SLC7A14: variants seen among roughly 807,000 people sequenced by gnomAD.
SLC7A14 encodes the protein solute carrier family 7 member 14.
In SLC7A14, 37 loss-of-function variants were observed where a neutral mutation model predicts 60.2. The observed-to-expected ratio is 0.61, with a 90% CI of 0.47 to 0.81. The LOEUF (loss-of-function observed/expected upper bound fraction) is 0.81, where lower values mean the gene tolerates loss of function less well. SLC7A14 is among the 30% of genes least tolerant of loss of function. The pLI is 0.00. For missense variants in SLC7A14, 886 were observed against 982.7 expected, an observed-to-expected ratio of 0.90 and a Z score of 1.32; for synonymous variants, 399 against 395.8, an observed-to-expected ratio of 1.01 and a Z score of -0.10.
chr3:170,547,917 A>G (rs115813047), intron 1 of SLC7A14, among the ~76,000 whole-genome samples: 1,969 of 152,284 alleles, frequency 0.013, 43 homozygotes, highest in African/African-American at 0.045. Flanking sequence ...TACGGTGGAC[A>G]TATATTTTGC....
intron 1 of SLC7A14, among the ~76,000 whole-genome samples, chr3:170,541,808 C>G (rs1714025212): frequency 6.6e-6 from 1 of 152,142 alleles, no homozygotes; most frequent in Non-Finnish European, 1.5e-5. Flanking sequence ...ACCACAGTTA[C>G]TCTTGCACCA....
At chr3:170,471,711 C>T (rs1392566011) in intron 7 of SLC7A14, among the ~76,000 whole-genome samples, 1 of 152,154 alleles carries the variant, frequency 6.6e-6, no homozygotes, top group Non-Finnish European at 1.5e-5. Flanking sequence ...TTGCGGAGGG[C>T]AATCTAATAT....
rs202177062 is a variant in SLC7A14 at position 170,467,386 on chromosome 3, C to T, written c.1994-9G>A. ...AAAATAAATGAGCAGACCTGTGGGG[C>T]GAGGGGAAAGGTACAGGTGAATAAG... is the stretch of plus-strand genomic sequence containing the variant. On this transcript the variant is annotated splice_polypyrimidine_tract_variant and intron_variant, in intron 7 of 7. Transcript: ENST00000231706. 7.5e-4 allele frequency: 1,132 copies of T among 1,515,056 alleles called. No individual in the cohort carries two copies. Among genetic ancestry groups the T allele is most frequent in the Non-Finnish European group, 7.9e-4 (889 of 1,124,740 alleles). 93.9% of individuals were successfully genotyped at this position (1,515,056 alleles called of 1,614,324 possible). A position where few individuals can be genotyped will look rare whatever the true frequency, so the allele number is the denominator to read the frequency against.
At chr3:170,470,980 G>T (rs145205181) in intron 7 of SLC7A14, among the ~76,000 whole-genome samples, 12 of 152,274 alleles carry the variant, frequency 7.9e-5, no homozygotes, top group African/African-American at 2.9e-4. Flanking sequence ...TGTGTGCTGG[G>T]TTAGGATAAT....
intron 2 of SLC7A14, among the ~76,000 whole-genome samples, chr3:170,512,702 C>A (rs891303809): frequency 8.3e-6 from 1 of 119,770 alleles, no homozygotes; most frequent in African/African-American, 3.2e-5. Flanking sequence ...CTCGCTCTGT[C>A]GCCCAGGCTG....
chr3:170,571,938 G>A (rs1187143065), intron 1 of SLC7A14, among the ~76,000 whole-genome samples: 1 of 151,872 alleles, frequency 6.6e-6, no homozygotes, highest in Non-Finnish European at 1.5e-5. Context: ...GTGCACGCCT[G>A]TAGTCCCAAC....
chr3:170,495,030 G>A lies in SLC7A14; in HGVS notation c.759+3637C>T, dbSNP rs1165419691. 2.6e-5 allele frequency among the ~76,000 whole-genome samples: 4 copies of A among 152,140 alleles called. No individual in the cohort carries two copies. In the East Asian group the frequency reaches 5.8e-4, roughly 22 times the overall value. On this transcript the variant is annotated intron_variant, in intron 4 of 7. Transcript: ENST00000231706. ...CTCCACTTTTAAGTAAGGGATAACAGCACCACTCAAAAGTTTTGTTTTAAG... is the reference window on the plus strand; with the variant it reads ...CTCCACTTTTAAGTAAGGGATAACAACACCACTCAAAAGTTTTGTTTTAAG...
chr3:170,468,581 C>G (rs1739791503), intron 7 of SLC7A14, among the ~76,000 whole-genome samples: 1 of 152,182 alleles, frequency 6.6e-6, no homozygotes, highest in African/African-American at 2.4e-5. Flanking sequence ...CAGGCATGAG[C>G]CATCAGTCCT....
At chr3:170,572,764 C>G (rs540970346) in intron 1 of SLC7A14, among the ~76,000 whole-genome samples, 61 of 152,290 alleles carry the variant, frequency 4.0e-4, no homozygotes, top group Middle Eastern at 6.8e-3. Flanking sequence ...GCACGACAGT[C>G]TCTACTCATT....
chr3:170,501,197 G>T lies in SLC7A14; in HGVS notation c.453C>A (p.Ala151=), dbSNP rs142323895. 1.3e-4 allele frequency: 216 copies of T among 1,614,192 alleles called. No homozygotes were observed. The highest frequency in any genetic ancestry group is 1.5e-4 in the Non-Finnish European group (181 of 1,180,040). ...LEYLIGTAAG[A]SALSSMFDSL... ...AGTCAAACATGCTGCTCAGAGCACT[G>T]GCTCCGGCCGCAGTGCCAATCAGGT... Residue 151 remains alanine (A), a synonymous_variant, in exon 3 of 8, where the codon GCC becomes GCA. Coordinates refer to ENST00000231706, the MANE Select transcript of SLC7A14 (RefSeq NM_020949.3).
At chr3:170,524,134 T>C (rs1713423088) in intron 2 of SLC7A14, among the ~76,000 whole-genome samples, 1 of 152,186 alleles carries the variant, frequency 6.6e-6, no homozygotes, top group Non-Finnish European at 1.5e-5. Flanking sequence ...CCAGGGTCTT[T>C]AGTGGAGGTG....
intron 7 of SLC7A14, among the ~76,000 whole-genome samples, chr3:170,470,955 T>C (rs897638670): frequency 6.6e-6 from 1 of 152,178 alleles, no homozygotes; most frequent in Non-Finnish European, 1.5e-5. Context: ...TAAACTAAAC[T>C]TCACAAAGCA....
intron 1 of SLC7A14, among the ~76,000 whole-genome samples, chr3:170,566,179 G>A (rs1269734389): frequency 6.6e-6 from 1 of 152,110 alleles, no homozygotes; most frequent in Non-Finnish European, 1.5e-5. Context: ...CACCCCTCTG[G>A]GTGCTTGCTT....
At chr3:170,548,407 A>G (rs1714240339) in intron 1 of SLC7A14, among the ~76,000 whole-genome samples, 1 of 152,250 alleles carries the variant, frequency 6.6e-6, no homozygotes, top group Non-Finnish European at 1.5e-5. Flanking sequence ...CCTTAGGTCT[A>G]GAATGGGGCC....
chr3:170,572,372 C>T (rs1714982138), intron 1 of SLC7A14, among the ~76,000 whole-genome samples: 1 of 152,142 alleles, frequency 6.6e-6, no homozygotes, highest in Non-Finnish European at 1.5e-5. Flanking sequence ...TTTTATAATC[C>T]TCATCTGTAA....
intron 7 of SLC7A14, among the ~76,000 whole-genome samples, chr3:170,470,642 T>C (rs917813093): frequency 1.3e-5 from 2 of 151,472 alleles, no homozygotes; most frequent in Non-Finnish European, 2.9e-5. Context: ...CTTGAGTCAA[T>C]TCAGGAAAAG....
At chr3:170,483,616 G>C in intron 5 of SLC7A14, 94 bp from the exon 6 acceptor site, 2 of 1,343,732 alleles carry the variant, frequency 1.5e-6, no homozygotes, top group Non-Finnish European at 2.1e-6. Context: ...GCCCCTGGAG[G>C]CAGAGGCTTG....
chr3:170,538,564 A>G (rs1379466045), intron 1 of SLC7A14, among the ~76,000 whole-genome samples: 1 of 152,208 alleles, frequency 6.6e-6, no homozygotes, highest in Admixed American at 6.5e-5. Flanking sequence ...ACAAATTTTC[A>G]GTTCTCAATA....
rs1294254895 is a variant in SLC7A14 at position 170,467,072 on chromosome 3, C to T, written c.2299G>A (p.Asp767Asn). Residue 767 changes from aspartate to asparagine, a missense_variant, in exon 8 of 8, where the codon GAT becomes AAT. Physicochemically the swap from Asp to Asn is conservative, Grantham distance 23. Transcript: ENST00000231706. ...SEALIANDEL[D>N]YSPE ...TGTTTCTCCTACTCTGGAGAGTAAT[C>T]TAACTCATCATTTGCAATCAGGGCC... is the stretch of plus-strand genomic sequence containing the variant. 6.2e-7 allele frequency: 1 copy of T among 1,610,816 alleles called. No individual in the cohort carries two copies. The highest frequency in any genetic ancestry group is 8.5e-7 in the Non-Finnish European group (1 of 1,178,434).
Sources: gnomAD v4.1 joint callset for allele counts (sites outside exome capture counted in the v4.1 genomes callset) on GRCh38, gnomAD v4.1.1 for gene constraint, MANE v1.5 for transcripts, NCBI Gene and HGNC (gene_info 2026-07-23, HGNC 2026-07-21) for gene names.